UBE2R2: variants seen among roughly 807,000 people sequenced by gnomAD.
UBE2R2 encodes the protein ubiquitin-conjugating enzyme E2 R2.
Under a neutral mutation model 27.8 loss-of-function variants are expected in UBE2R2, and 1 was observed. The observed-to-expected ratio is 0.04, with a 90% CI of 0.01 to 0.17. The LOEUF (loss-of-function observed/expected upper bound fraction) is 0.17, where lower values mean the gene tolerates loss of function less well. Among genes scored for constraint, UBE2R2 ranks in the 10% least tolerant of loss-of-function variants. The probability of loss-of-function intolerance (pLI) is 1.00; values close to 1 mark genes in which losing one functional copy is unlikely to be tolerated. For missense variants in UBE2R2, 100 were observed against 291.0 expected (o/e 0.34, Z 4.78); for synonymous variants, 106 against 113.3 (o/e 0.94, Z 0.41).
At chr9:33,860,972 T>G (rs1246797336) in intron 1 of UBE2R2, among the ~76,000 whole-genome samples, 5 of 150,546 alleles carry the variant, frequency 3.3e-5, no homozygotes, top group African/African-American at 1.2e-4. Context: ...TTTGTTTTTT[T>G]TTTTGAGACG....
chr9:33,820,672 A>G (rs1042883024), intron 1 of UBE2R2, among the ~76,000 whole-genome samples: 10 of 152,268 alleles, frequency 6.6e-5, no homozygotes, highest in African/African-American at 2.4e-4. Context: ...TTGAACATTT[A>G]GTATAATTTA....
intron 1 of UBE2R2, among the ~76,000 whole-genome samples, chr9:33,881,174 C>T (rs1821725651): frequency 6.6e-6 from 1 of 152,156 alleles, no homozygotes; most frequent in Admixed American, 6.5e-5. Flanking sequence ...TGAAATTACC[C>T]TCTTTATCTG....
rs1012153140 is a variant in UBE2R2 at position 33,882,651 on chromosome 9, CT to C, written c.178-4229del. ...GTTTGGGCTCCAGCCTTTTTTCCCC[CT>C]AATCAGCTTTATTGTGATTTTAATG... is the stretch of plus-strand genomic sequence containing the variant. On this transcript the variant is annotated intron_variant, in intron 1 of 4. Transcript: ENST00000263228. Among the ~76,000 whole-genome samples the C allele has an allele frequency of 4.4e-4, 67 of 152,282 alleles. 1 individual carries two copies. Among genetic ancestry groups the C allele is most frequent in the African/African-American group, 1.5e-3 (62 of 41,570 alleles).
chr9:33,872,517 T>C (rs1007569345), intron 1 of UBE2R2, among the ~76,000 whole-genome samples: 2 of 152,234 alleles, frequency 1.3e-5, no homozygotes, highest in South Asian at 2.1e-4. Flanking sequence ...CCAGGCATGG[T>C]GGCTCACGCC....
intron 4 of UBE2R2, among the ~76,000 whole-genome samples, chr9:33,915,359 G>T (rs1822616821): frequency 1.3e-5 from 2 of 152,304 alleles, no homozygotes; most frequent in South Asian, 2.1e-4. Flanking sequence ...CTCTGCATAT[G>T]GAACATTAGG....
chr9:33,883,713 C>CAAA (rs1158414910), intron 1 of UBE2R2, among the ~76,000 whole-genome samples: 2 of 75,162 alleles, frequency 2.7e-5, no homozygotes, highest in African/African-American at 5.6e-5. Flanking sequence ...GACTCTGTCT[C>CAAA]AAAAAAAAAA....
At chr9:33,842,235 A>C (rs1461900273) in intron 1 of UBE2R2, among the ~76,000 whole-genome samples, 1 of 152,068 alleles carries the variant, frequency 6.6e-6, no homozygotes, top group Non-Finnish European at 1.5e-5. Flanking sequence ...CCTTGTTTCC[A>C]CAAAAATAAA....
chr9:33,834,755 A>G (rs1182362605), intron 1 of UBE2R2, among the ~76,000 whole-genome samples: 8 of 151,858 alleles, frequency 5.3e-5, no homozygotes. Context: ...TACTAAAAAT[A>G]CAAAATTAGC....
intron 1 of UBE2R2, among the ~76,000 whole-genome samples, chr9:33,872,120 C>T (rs1480298744): frequency 6.6e-6 from 1 of 151,596 alleles, no homozygotes; most frequent in African/African-American, 2.4e-5. Flanking sequence ...GGCATGGTGG[C>T]TCAAGCTGGG....
Position 33,817,216 on chromosome 9 carries a change from G to T in UBE2R2, c.-542G>T, listed in dbSNP as rs925041777. ...GGCGCTCTCGCTCTCCTCCTCCTCC[G>T]CCGTCGCCCCTCCCCCCGCGCAGCC... is the stretch of plus-strand genomic sequence containing the variant. On this transcript the variant is annotated 5_prime_UTR_variant, in exon 1 of 5. Transcript: ENST00000263228. Among the ~76,000 whole-genome samples, 16 of 130,448 alleles carry T rather than the reference G, an allele frequency of 1.2e-4. No individual in the cohort carries two copies. The highest frequency in any genetic ancestry group is 4.5e-4 in the African/African-American group (16 of 35,214). The allele number at this position is 130,448 out of a possible 152,430, so 85.6% of individuals were successfully genotyped here. A position where few individuals can be genotyped will look rare whatever the true frequency, so the allele number is the denominator to read the frequency against.
intron 1 of UBE2R2, among the ~76,000 whole-genome samples, chr9:33,838,807 T>A (rs1411484216): frequency 6.6e-6 from 1 of 151,182 alleles, no homozygotes; most frequent in Non-Finnish European, 1.5e-5. Flanking sequence ...GTCTGGCCAG[T>A]CGTGGTGGTT....
intron 1 of UBE2R2, among the ~76,000 whole-genome samples, chr9:33,863,532 A>C (rs540505751): frequency 9.7e-4 from 148 of 152,254 alleles, no homozygotes; most frequent in East Asian, 2.1e-3. Context: ...AAAAAACAAA[A>C]AAAAAAAAAG....
At chr9:33,909,115 TA>T (rs1166419362) in intron 3 of UBE2R2, among the ~76,000 whole-genome samples, 1 of 151,718 alleles carries the variant, frequency 6.6e-6, no homozygotes, top group African/African-American at 2.4e-5. Context: ...TTGCACAGCA[TA>T]GGTTATACAT....
Position 33,847,768 on chromosome 9 carries a change from TTG to T in UBE2R2, c.177+29835_177+29836del, listed in dbSNP as rs1338306407. On this transcript the variant is annotated intron_variant, in intron 1 of 4. Transcript: ENST00000263228. ...TGAAATTTTTTTTTTTTTTTTTTTT[TTG>T]AGACGGAGTTTTGCTCTTGTTGCCC... Among the ~76,000 whole-genome samples, 495 of 143,190 alleles carry T rather than the reference TTG, an allele frequency of 3.5e-3. 4 individuals are homozygous for T. The highest frequency in any genetic ancestry group is 4.5e-3 in the Non-Finnish European group (290 of 64,260). 93.9% of individuals were successfully genotyped at this position (143,190 alleles called of 152,430 possible). A position where few individuals can be genotyped will look rare whatever the true frequency, so the allele number is the denominator to read the frequency against.
chr9:33,917,321 A>G lies in UBE2R2; in HGVS notation c.*84A>G. On this transcript the variant is annotated 3_prime_UTR_variant, in exon 5 of 5. Transcript: ENST00000263228. ...AGTGGGGACCTGGCCATGGCCCCTCAGCAAAAACCTATTCACAGCGGGTGG... is the reference window on the plus strand; with the variant it reads ...AGTGGGGACCTGGCCATGGCCCCTCGGCAAAAACCTATTCACAGCGGGTGG... 6.4e-7 allele frequency: 1 copy of G among 1,572,530 alleles called. No individual in the cohort carries two copies. The highest frequency in any genetic ancestry group is 1.2e-5 in the South Asian group (1 of 85,518).
intron 3 of UBE2R2, among the ~76,000 whole-genome samples, chr9:33,909,523 T>C (rs1205204969): frequency 6.6e-6 from 1 of 152,088 alleles, no homozygotes; most frequent in Non-Finnish European, 1.5e-5. Flanking sequence ...GCACTGTTTT[T>C]CCAGCTAGGA....
At chr9:33,875,452 T>G (rs1253789690) in intron 1 of UBE2R2, among the ~76,000 whole-genome samples, 1 of 152,188 alleles carries the variant, frequency 6.6e-6, no homozygotes, top group Non-Finnish European at 1.5e-5. Flanking sequence ...GATTTAAGAT[T>G]ATCTTGGAGC....
Position 33,831,799 on chromosome 9 carries a change from A to G in UBE2R2, c.177+13865A>G, listed in dbSNP as rs553693280. ...CTCAGCCTCCCTAGTAGTTGGGACT[A>G]TAGGTGCCTGCCAACACGCCCGGTT... is the stretch of plus-strand genomic sequence containing the variant. On this transcript the variant is annotated intron_variant, in intron 1 of 4. Transcript: ENST00000263228. 5.9e-5 allele frequency among the ~76,000 whole-genome samples: 9 copies of G among 151,974 alleles called. No individual in the cohort carries two copies. The East Asian group carries it at 1.8e-3, about 30-fold the overall frequency.
In UBE2R2 at chr9:33,846,154, G is replaced by C. The variant is rs533131241; in HGVS notation, c.177+28220G>C. On this transcript the variant is annotated intron_variant, in intron 1 of 4. Coordinates refer to ENST00000263228, the MANE Select transcript of UBE2R2 (RefSeq NM_017811.4). Reference sequence around the variant, plus strand: ...AAAAAAAAAATACAAAAATTAGCCAGGTGTGGTGGCACGAGCCTGTAATCC... The same window carrying C: ...AAAAAAAAAATACAAAAATTAGCCACGTGTGGTGGCACGAGCCTGTAATCC... Among the ~76,000 whole-genome samples, 46 of 151,442 alleles carry C rather than the reference G, an allele frequency of 3.0e-4. 1 individual carries two copies. The South Asian group carries it at 9.6e-3, about 32-fold the overall frequency.
Sources: gnomAD v4.1 joint callset for allele counts (sites outside exome capture counted in the v4.1 genomes callset) on GRCh38, gnomAD v4.1.1 for gene constraint, MANE v1.5 for transcripts, NCBI Gene and HGNC (gene_info 2026-07-23, HGNC 2026-07-21) for gene names.